The following PLCG2 variants were observed in gnomAD, a reference collection of about 807,000 sequenced individuals.
PLCG2 encodes 1-phosphatidylinositol 4,5-bisphosphate phosphodiesterase gamma-2.
In PLCG2, 69 loss-of-function variants were observed where a neutral mutation model predicts 175.6. The ratio of observed to expected loss-of-function variants is 0.39; its 90% CI spans 0.32 to 0.48. The LOEUF is 0.48. Among genes scored for constraint, PLCG2 ranks in the 20% least tolerant of loss-of-function variants. The pLI, the probability that PLCG2 is intolerant of heterozygous loss-of-function variation, is 0.91. For synonymous variants in PLCG2, 827 were observed against 624.0 expected (o/e 1.33, Z -4.85); for missense variants, 1,798 against 1,650.9 (o/e 1.09, Z -1.54).
intron 22 of PLCG2, among the ~76,000 whole-genome samples, chr16:81,925,951 G>A (rs953981662): frequency 2.1e-4 from 32 of 152,122 alleles, no homozygotes; most frequent in African/African-American, 5.3e-4. Context: ...ATAATTATAC[G>A]TTAAGTATAA....
intron 5 of PLCG2, among the ~76,000 whole-genome samples, chr16:81,864,555 T>C (rs527990155): frequency 6.6e-6 from 1 of 152,290 alleles, no homozygotes; most frequent in South Asian, 2.1e-4. Flanking sequence ...TGGGCCTCAG[T>C]TTCCTCATGT....
chr16:81,933,341 C>G (rs911837314), intron 25 of PLCG2, among the ~76,000 whole-genome samples: 5 of 152,338 alleles, frequency 3.3e-5, no homozygotes, highest in African/African-American at 7.2e-5. Context: ...CCATCCCACT[C>G]TTGGGAAACC....
intron 25 of PLCG2, among the ~76,000 whole-genome samples, 189 bp downstream of exon 25, chr16:81,931,843 G>A (rs905830212): frequency 1.3e-5 from 2 of 152,170 alleles, no homozygotes; most frequent in Admixed American, 1.3e-4. Flanking sequence ...GATAGTGGAG[G>A]TGCCCTGGGA....
intron 2 of PLCG2, among the ~76,000 whole-genome samples, chr16:81,840,057 C>T (rs138762798): frequency 6.6e-6 from 1 of 152,174 alleles, no homozygotes; most frequent in Non-Finnish European, 1.5e-5. Flanking sequence ...ACCTTGTCTC[C>T]AAAAAAACTT....
intron 3 of PLCG2, among the ~76,000 whole-genome samples, chr16:81,855,495 A>C (rs1340325203): frequency 6.6e-6 from 1 of 152,222 alleles, no homozygotes; most frequent in African/African-American, 2.4e-5. Flanking sequence ...TTTTCGGTCA[A>C]ATAACTTATT....
intron 1 of PLCG2, among the ~76,000 whole-genome samples, chr16:81,749,400 C>T (rs574631378): frequency 6.6e-6 from 1 of 151,878 alleles, no homozygotes; most frequent in Non-Finnish European, 1.5e-5. Context: ...TCATCCAGGC[C>T]GGAGTGCAGT....
At chr16:81,748,196 C>T (rs1313726471) in intron 1 of PLCG2, among the ~76,000 whole-genome samples, 1 of 152,086 alleles carries the variant, frequency 6.6e-6, no homozygotes, top group African/African-American at 2.4e-5. Context: ...TTTGAGATAG[C>T]CTGGCCAACA....
intron 7 of PLCG2, among the ~76,000 whole-genome samples, chr16:81,874,981 T>G (rs924551345): frequency 8.2e-5 from 12 of 146,186 alleles, no homozygotes; most frequent in Non-Finnish European, 1.5e-4. Context: ...TTTTTTTATT[T>G]GAGACAGAGT....
intron 25 of PLCG2, among the ~76,000 whole-genome samples, chr16:81,933,977 GGGAGCA>G (rs1268470689): frequency 6.6e-6 from 1 of 152,258 alleles, no homozygotes; most frequent in African/African-American, 2.4e-5. Context: ...GTCAGAGCTG[GGGAGCA>G]GGTGTGCAGG....
intron 2 of PLCG2, among the ~76,000 whole-genome samples, chr16:81,818,339 A>G (rs1904642652): frequency 6.6e-6 from 1 of 151,836 alleles, no homozygotes. Context: ...TATGGTGGTT[A>G]TTTATATTTA....
At chr16:81,912,845 A>T in intron 19 of PLCG2, 129 bp downstream of exon 19, 1 of 1,152,008 alleles carries the variant, frequency 8.7e-7, no homozygotes, top group Non-Finnish European at 1.2e-6. Context: ...AGCGACAACA[A>T]CAACCACCAC....
intron 15 of PLCG2, 60 bp from the exon 16 acceptor site, chr16:81,907,625 G>A: frequency 8.2e-7 from 1 of 1,226,218 alleles, no homozygotes; most frequent in Non-Finnish European, 1.2e-6. Context: ...AGGGCTCCTG[G>A]GCTCCACAGT....
At chr16:81,742,804 A>T (rs1909624138) in intron 1 of PLCG2, among the ~76,000 whole-genome samples, 1 of 152,182 alleles carries the variant, frequency 6.6e-6, no homozygotes, top group African/African-American at 2.4e-5. Flanking sequence ...AGACTTCCTC[A>T]GGTTCTGGGA....
chr16:81,912,846 C>T, intron 19 of PLCG2, 130 bp downstream of exon 19: 1 of 1,156,980 alleles, frequency 8.6e-7, no homozygotes, highest in Admixed American at 3.2e-5. Context: ...GCGACAACAA[C>T]AACCACCACA....
In PLCG2 at chr16:81,892,558, T is replaced by A. The variant is rs371491402; in HGVS notation, c.986+968T>A. On this transcript the variant is annotated intron_variant, in intron 11 of 32. Transcript: ENST00000564138. ...TTTCAGGGGGAAATTGATTTCACAG[T>A]TCTCTCTTCCCCACCATGCCCATCA... Among the ~76,000 whole-genome samples the A allele has an allele frequency of 7.2e-4, 110 of 152,286 alleles. No individual in the cohort carries two copies. The East Asian group carries it at 0.019, about 26-fold the overall frequency.
rs545893012 is a variant in PLCG2, at chr16:81,827,886, T to A, written c.194-26558T>A. Among the ~76,000 whole-genome samples the A allele has an allele frequency of 2.0e-5, 3 of 150,766 alleles. No homozygotes were observed. In the East Asian group the frequency reaches 5.9e-4, roughly 29 times the overall value. ...TGGGTGGATCACCTGAGGTCGGGAGTTCAAGTCCAACCTGATCAACATGGA... is the reference window on the plus strand; with the variant it reads ...TGGGTGGATCACCTGAGGTCGGGAGATCAAGTCCAACCTGATCAACATGGA... On this transcript the variant is annotated intron_variant, in intron 2 of 32. Coordinates refer to ENST00000564138, the MANE Select transcript of PLCG2 (RefSeq NM_002661.5).
chr16:81,938,812 T>G lies in PLCG2; in HGVS notation c.3210T>G (p.Ala1070=), dbSNP rs1328164286. 6.2e-7 allele frequency: 1 copy of G among 1,610,868 alleles called. No homozygotes were observed. Among genetic ancestry groups the G allele is most frequent in the Non-Finnish European group, 8.5e-7 (1 of 1,178,122 alleles). The part of the protein sequence containing the change: ...LMTLTVKVLG[A]RHLPKLGRSI... Reference sequence around the variant, plus strand: ...CTTTGGTGTCCCAGGTTCTCGGTGCTCGCCATCTCCCCAAACTTGGACGAA... The same window carrying G: ...CTTTGGTGTCCCAGGTTCTCGGTGCGCGCCATCTCCCCAAACTTGGACGAA... Residue 1070 remains alanine (A), a synonymous_variant, in exon 29 of 33, where the codon GCT becomes GCG. Transcript: ENST00000564138.
chr16:81,937,926 G>T, intron 28 of PLCG2, 23 bp downstream of exon 28: 20 of 1,612,102 alleles, frequency 1.2e-5, no homozygotes, highest in Non-Finnish European at 1.7e-5. Context: ...CTCCCTTCCT[G>T]CCAGGGGAGC....
chr16:81,916,561 CAT>C (rs1161871721), intron 19 of PLCG2, among the ~76,000 whole-genome samples: 3 of 147,854 alleles, frequency 2.0e-5, no homozygotes, highest in Non-Finnish European at 3.0e-5. Flanking sequence ...GAGATAATAA[CAT>C]ATACACACAC....
Sources: allele counts gnomAD v4.1 joint callset (sites outside exome capture counted in the v4.1 genomes callset), GRCh38; gene constraint gnomAD v4.1.1; transcripts MANE v1.5; gene names NCBI Gene and HGNC (gene_info 2026-07-23, HGNC 2026-07-21).